The following PPP6R2 variants were observed in gnomAD, a reference collection of about 807,000 sequenced individuals.
The protein encoded by PPP6R2 is serine/threonine-protein phosphatase 6 regulatory subunit 2.
PPP6R2 carries 62 observed loss-of-function variants against 100.2 expected under a neutral mutation model. The observed-to-expected ratio is 0.62, with a 90% confidence interval of 0.50 to 0.76. The LOEUF is 0.76. Among genes scored for constraint, PPP6R2 ranks in the 30% least tolerant of loss-of-function variants. The pLI is 0.00. For synonymous variants in PPP6R2, 525 were observed against 514.7 expected, an observed-to-expected ratio of 1.02 and a Z score of -0.27; for missense variants, 1,142 against 1,276.3, an observed-to-expected ratio of 0.89 and a Z score of 1.60.
At chr22:50,357,923 A>ACCTGGCC (rs2046962191) in intron 1 of PPP6R2, among the ~76,000 whole-genome samples, 1 of 151,202 alleles carries the variant, frequency 6.6e-6, no homozygotes, top group Admixed American at 6.6e-5. Flanking sequence ...CGCACCTGGC[A>ACCTGGCC]CCTGGCCCCT....
rs759357375 is a variant in PPP6R2, at chr22:50,444,706, G to A, written c.*459G>A. 1 of 184,842 alleles carries A rather than the reference G, an allele frequency of 5.4e-6. No individual in the cohort carries two copies. The allele number at this position is 184,842 out of a possible 1,614,324, so 11.5% of individuals were successfully genotyped here. A position where few individuals can be genotyped will look rare whatever the true frequency, so the allele number is the denominator to read the frequency against. On this transcript the variant is annotated 3_prime_UTR_variant, in exon 24 of 24. Transcript: ENST00000612753. Reference sequence around the variant, plus strand: ...TGTATCCAGCTGCAAGCTCAGGGCAGAGTCAAGGGCCTGGGTTGGAAAAAC... The same window carrying A: ...TGTATCCAGCTGCAAGCTCAGGGCAAAGTCAAGGGCCTGGGTTGGAAAAAC...
Position 50,393,897 on chromosome 22 carries a change from G to C in PPP6R2, c.-12G>C, listed in dbSNP as rs199719877. On this transcript the variant is annotated 5_prime_UTR_variant, in exon 3 of 24. Coordinates refer to ENST00000612753, the MANE Select transcript of PPP6R2 (RefSeq NM_001242898.2). ...CCCCTTTGCCCTCGTTTGCAGCTCTGCGGCCGTCACGATGTTCTGGAAGTT... is the reference window on the plus strand; with the variant it reads ...CCCCTTTGCCCTCGTTTGCAGCTCTCCGGCCGTCACGATGTTCTGGAAGTT... 6 of 1,614,182 alleles carry C rather than the reference G, an allele frequency of 3.7e-6. No homozygotes were observed. The East Asian group carries it at 1.3e-4, about 36-fold the overall frequency.
intron 2 of PPP6R2, chr22:50,393,529 G>T: frequency 1.0e-6 from 1 of 985,280 alleles, no homozygotes; most frequent in Non-Finnish European, 1.2e-6. Flanking sequence ...CACGCTGGTG[G>T]GTGGGGGACA....
chr22:50,439,866 T>A lies in PPP6R2; in HGVS notation c.2285+9T>A. The A allele has an allele frequency of 6.2e-7, 1 of 1,611,282 alleles. No homozygotes were observed. Among genetic ancestry groups the A allele is most frequent in the Non-Finnish European group, 8.5e-7 (1 of 1,178,188 alleles). On this transcript the variant is annotated intron_variant, in intron 20 of 23. Coordinates refer to ENST00000612753, the MANE Select transcript of PPP6R2 (RefSeq NM_001242898.2). ...TTCCAACCTTTCTGCTGGTAACAAA[T>A]GCGCTGGCAGGAGGGGGCTGTGCCA...
At chr22:50,401,927 C>T (rs955191912) in intron 3 of PPP6R2, among the ~76,000 whole-genome samples, 15 of 152,188 alleles carry the variant, frequency 9.9e-5, no homozygotes, top group African/African-American at 3.4e-4. Context: ...AGCCACCACG[C>T]CTGGCCCATA....
intron 4 of PPP6R2, among the ~76,000 whole-genome samples, 178 bp downstream of exon 4, chr22:50,407,053 AAG>A (rs1439581549): frequency 6.6e-6 from 1 of 152,166 alleles, no homozygotes; most frequent in Non-Finnish European, 1.5e-5. Flanking sequence ...TGGAATTTGA[AAG>A]AGTGTTTCTG....
chr22:50,422,809 C>T (rs1340007105), intron 9 of PPP6R2, among the ~76,000 whole-genome samples: 1 of 152,174 alleles, frequency 6.6e-6, no homozygotes, highest in African/African-American at 2.4e-5. Context: ...TCACCCTCCC[C>T]AGACACAACC....
At chr22:50,381,771 G>A (rs921917823) in intron 2 of PPP6R2, among the ~76,000 whole-genome samples, 28 of 152,028 alleles carry the variant, frequency 1.8e-4, no homozygotes, top group Non-Finnish European at 3.4e-4. Context: ...AGCCGGGCAC[G>A]GTGGCGGGCT....
At chr22:50,347,094 C>T (rs752774977) in intron 1 of PPP6R2, among the ~76,000 whole-genome samples, 27 of 152,044 alleles carry the variant, frequency 1.8e-4, no homozygotes, top group Non-Finnish European at 3.1e-4. Context: ...CTCATCCTGC[C>T]TGTTGTGGCC....
At chr22:50,340,550 T>G (rs892267705), upstream of PPP6R2, among the ~76,000 whole-genome samples, 3 of 144,386 alleles carry the variant, frequency 2.1e-5, no homozygotes, top group South Asian at 2.2e-4. Context: ...GTGTGTCGCG[T>G]GTGTGTGGTA....
chr22:50,371,883 C>T (rs1045617024), intron 1 of PPP6R2, 137 bp from the exon 2 acceptor site: 5 of 152,198 alleles, frequency 3.3e-5, no homozygotes, highest in African/African-American at 7.2e-5. Flanking sequence ...AGTGATCTGC[C>T]GCCTTGGCCT....
rs2048865076 is a variant in PPP6R2, at chr22:50,366,830, C to T, written c.-147-5190C>T. ...GTCAGAGACTGCCAGCCAGCCTCCA[C>T]TGCTTCTTCTTCCTTGGGCTGTGGC... On this transcript the variant is annotated intron_variant, in intron 1 of 23. Transcript: ENST00000612753. Among the ~76,000 whole-genome samples, 8 of 152,314 alleles carry T rather than the reference C, an allele frequency of 5.3e-5. No homozygotes were observed. In the South Asian group the frequency reaches 1.7e-3, roughly 32 times the overall value.
At chr22:50,438,340 G>T (rs1345867052) in intron 18 of PPP6R2, 42 bp downstream of exon 18, 2 of 1,589,066 alleles carry the variant, frequency 1.3e-6, no homozygotes, top group African/African-American at 2.7e-5. Flanking sequence ...TGCCGAGGAG[G>T]TTCAGCCCCC....
At position 50,423,445 on chromosome 22, in the gene PPP6R2, GC is replaced by G; in HGVS notation, c.973-15del. The G allele has an allele frequency of 1.9e-6, 3 of 1,614,078 alleles. No individual in the cohort carries two copies. Among genetic ancestry groups the G allele is most frequent in the Non-Finnish European group, 2.5e-6 (3 of 1,179,942 alleles). ...TGCTCACAGGGCCTAACTGGGTGGT[GC>G]CTTCTGTGTTTGCAGAAGAAAGCGA... On this transcript the variant is annotated splice_polypyrimidine_tract_variant and intron_variant, in intron 9 of 23. Coordinates refer to ENST00000612753, the MANE Select transcript of PPP6R2 (RefSeq NM_001242898.2). This position sits in a 1 kb window ranked among gnomAD's most constrained non-coding sequence, Gnocchi z 4.8.
At chr22:50,333,536 G>A in the PPP6R2 span, among the ~76,000 whole-genome samples, 41 of 152,204 alleles carry the variant, frequency 2.7e-4, no homozygotes, top group South Asian at 8.1e-3. Flanking sequence ...GTTTCACCGT[G>A]TTAGCCAGGA....
At chr22:50,424,051 C>G (rs1420789314) in intron 10 of PPP6R2, among the ~76,000 whole-genome samples, 1 of 152,244 alleles carries the variant, frequency 6.6e-6, no homozygotes, top group African/African-American at 2.4e-5. Flanking sequence ...GCCTCTCCAT[C>G]CCGCAGACGG....
At chr22:50,439,557 G>A (rs1018586157) in intron 19 of PPP6R2, 144 bp from the exon 20 acceptor site, 9 of 901,616 alleles carry the variant, frequency 1.0e-5, no homozygotes, top group East Asian at 2.7e-5. Context: ...AGGGGCTGAC[G>A]GGCACTGCCT....
At position 50,423,516 on chromosome 22, in the gene PPP6R2, C is replaced by T. The variant is rs770478082; in HGVS notation, c.1027C>T (p.Arg343Cys). 1.9e-6 allele frequency: 3 copies of T among 1,614,202 alleles called. No individual in the cohort carries two copies. Among genetic ancestry groups the T allele is most frequent in the Admixed American group, 1.7e-5 (1 of 60,018 alleles). Residue 343 changes from arginine to cysteine, a missense_variant, in exon 10 of 24, where the codon CGT (arginine) becomes TGT (cysteine). Physicochemically the swap from Arg to Cys is radical, Grantham distance 180. Around this residue, in one of 2 missense-constraint regions of PPP6R2, gnomAD observed 592 missense variants for 758.9 expected, o/e 0.78. Transcript: ENST00000612753. The surrounding 1 kb of genome is among the most constrained non-coding windows in gnomAD (Gnocchi z 4.8). Reference protein sequence around the residue: ...GVLEEPLGNARLHGARLMAAL... With the variant: ...GVLEEPLGNACLHGARLMAAL... ...GCTGGAGGAGCCCCTGGGGAATGCC[C>T]GTCTGCATGGCGCCCGCCTCATGGC...
chr22:50,368,457 C>A (rs75156814), intron 1 of PPP6R2, among the ~76,000 whole-genome samples: 32,482 of 152,046 alleles, frequency 0.21, 4,991 homozygotes, highest in African/African-American at 0.43. Flanking sequence ...CAGCTCCTAT[C>A]TCTGTATGGC....
Sources: allele counts gnomAD v4.1 joint callset (sites outside exome capture counted in the v4.1 genomes callset), GRCh38; gene constraint gnomAD v4.1.1; regional missense constraint gnomAD v4.1.1; non-coding constraint Gnocchi (gnomAD v3.1); transcripts MANE v1.5; gene names NCBI Gene and HGNC (gene_info 2026-07-23, HGNC 2026-07-21).